ADAMTSL1: variants seen among roughly 807,000 people sequenced by gnomAD.
ADAMTSL1 encodes ADAMTS like 1, also known as ADAMTS-like protein 1.
Under a neutral mutation model 201.8 loss-of-function variants are expected in ADAMTSL1, and 126 were observed. The ratio of observed to expected loss-of-function variants is 0.62; its 90% CI spans 0.54 to 0.72. The LOEUF (loss-of-function observed/expected upper bound fraction) is 0.72. Ranked by LOEUF, ADAMTSL1 falls within the 30% of genes least tolerant of loss-of-function variation. The pLI, the probability that ADAMTSL1 is intolerant of heterozygous loss-of-function variation, is 0.00. For synonymous variants in ADAMTSL1, 1,121 were observed against 903.4 expected (o/e 1.24, Z -4.32); for missense variants, 2,679 against 2,277.8 (o/e 1.18, Z -3.59).
rs7033270 is a variant in ADAMTSL1 at position 18,358,282 on chromosome 9, T to G, written c.208-146547T>G. Among the ~76,000 whole-genome samples, 607 of 152,338 alleles carry G rather than the reference T, an allele frequency of 4.0e-3. 4 individuals carry two copies. The highest frequency in any genetic ancestry group is 0.013 in the African/African-American group (554 of 41,584). On this transcript the variant is annotated intron_variant, in intron 2 of 29. Coordinates refer to the ADAMTSL1 transcript ENST00000680146. Reference sequence around the variant, plus strand: ...ATATTGAACTATATGGAGGAAATGATAGTTGGAGTCAATTATTTTTCTGTT... The same window carrying G: ...ATATTGAACTATATGGAGGAAATGAGAGTTGGAGTCAATTATTTTTCTGTT...
intron 2 of ADAMTSL1, among the ~76,000 whole-genome samples, chr9:18,299,777 G>C (rs1833628199): frequency 6.6e-6 from 1 of 152,138 alleles, no homozygotes; most frequent in African/African-American, 2.4e-5. Flanking sequence ...CAATAAGAGT[G>C]GAAGACTAAT....
chr9:18,586,122 C>G (rs7468653), intron 4 of ADAMTSL1, among the ~76,000 whole-genome samples: 42,917 of 151,908 alleles, frequency 0.28, 6,232 homozygotes, highest in Middle Eastern at 0.33. Flanking sequence ...TAAAAAGCAT[C>G]CAAATAGGAA....
At chr9:18,623,334 A>G (rs1826152563) in intron 5 of ADAMTSL1, among the ~76,000 whole-genome samples, 1 of 152,192 alleles carries the variant, frequency 6.6e-6, no homozygotes, top group African/African-American at 2.4e-5. Flanking sequence ...CCTCATGAGC[A>G]AAGTACTATT....
chr9:18,569,071 C>T (rs1298709640), intron 3 of ADAMTSL1, among the ~76,000 whole-genome samples: 1 of 152,120 alleles, frequency 6.6e-6, no homozygotes, highest in African/African-American at 2.4e-5. Context: ...TTAGCTGCTG[C>T]GGTAGAATCT....
intron 2 of ADAMTSL1, among the ~76,000 whole-genome samples, chr9:18,260,883 T>C (rs1054578049): frequency 6.6e-6 from 1 of 152,206 alleles, no homozygotes; most frequent in Non-Finnish European, 1.5e-5. Context: ...GGTTTTACTT[T>C]ACTGTTAAAA....
At chr9:18,410,845 TC>T (rs59890517) in intron 2 of ADAMTSL1, among the ~76,000 whole-genome samples, 73,083 of 144,102 alleles carry the variant, frequency 0.51, 18,945 homozygotes, top group South Asian at 0.61. Flanking sequence ...GTCTTCTTCT[TC>T]TTTTTTTTTT....
chr9:18,582,407 C>T (rs1440257388), intron 4 of ADAMTSL1, among the ~76,000 whole-genome samples: 1 of 152,228 alleles, frequency 6.6e-6, no homozygotes, highest in East Asian at 1.9e-4. Context: ...TGTGTTCTGA[C>T]CCAAATCTCA....
intron 2 of ADAMTSL1, among the ~76,000 whole-genome samples, chr9:18,310,533 AG>A (rs1834106966): frequency 6.6e-6 from 1 of 152,154 alleles, no homozygotes; most frequent in Non-Finnish European, 1.5e-5. Context: ...CCCATCAAAA[AG>A]TGGGCAAAGG....
intron 2 of ADAMTSL1, among the ~76,000 whole-genome samples, chr9:18,279,544 A>G (rs1832705974): frequency 1.3e-5 from 2 of 151,228 alleles, no homozygotes; most frequent in African/African-American, 2.4e-5. Context: ...TTCTTTTCAG[A>G]CTGGATTTGT....
chr9:18,729,494 C>A (rs1588000283), intron 15 of ADAMTSL1, among the ~76,000 whole-genome samples: 1 of 152,210 alleles, frequency 6.6e-6, no homozygotes, highest in Admixed American at 6.5e-5. Context: ...GATGGCTCAA[C>A]ATTGAAATGC....
intron 2 of ADAMTSL1, among the ~76,000 whole-genome samples, chr9:18,210,510 T>A (rs996682881): frequency 1.4e-5 from 2 of 147,074 alleles, no homozygotes; most frequent in South Asian, 2.1e-4. Context: ...ATATATGATA[T>A]ATATTAATAA....
intron 1 of ADAMTSL1, among the ~76,000 whole-genome samples, chr9:18,031,840 G>T (rs184770782): frequency 6.6e-6 from 1 of 152,328 alleles, no homozygotes; most frequent in East Asian, 1.9e-4. Context: ...AGCTTGGCAG[G>T]GTCAGAGTGG....
At chr9:18,668,122 CT>C (rs2133071784) in intron 9 of ADAMTSL1, among the ~76,000 whole-genome samples, 1 of 152,128 alleles carries the variant, frequency 6.6e-6, no homozygotes, top group Admixed American at 6.5e-5. Flanking sequence ...TTATGGAGGT[CT>C]TTAGTTTTAC....
intron 26 of ADAMTSL1, among the ~76,000 whole-genome samples, chr9:18,901,153 A>G (rs1322895748): frequency 6.6e-6 from 1 of 152,044 alleles, no homozygotes; most frequent in Non-Finnish European, 1.5e-5. Context: ...TTATTTAAAA[A>G]AAAAAAAGAA....
intron 1 of ADAMTSL1, among the ~76,000 whole-genome samples, chr9:18,157,638 C>T (rs1298613930): frequency 6.6e-6 from 1 of 151,974 alleles, no homozygotes; most frequent in Non-Finnish European, 1.5e-5. Context: ...GCTCTAACCT[C>T]TTAGCAATTA....
chr9:18,603,463 G>T (rs1824804300), intron 4 of ADAMTSL1, among the ~76,000 whole-genome samples: 1 of 152,104 alleles, frequency 6.6e-6, no homozygotes, highest in Non-Finnish European at 1.5e-5. Flanking sequence ...GTCCATATAT[G>T]TCTTGCTCAG....
chr9:18,314,782 CTTTTTTTTTT>C (rs776046209), intron 2 of ADAMTSL1, among the ~76,000 whole-genome samples: 775 of 49,864 alleles, frequency 0.016, 34 homozygotes, highest in African/African-American at 0.06. Flanking sequence ...CGGCAGCGTG[CTTTTTTTTTT>C]TTTTTTTTTT....
chr9:18,056,242 C>G (rs1262053960), intron 1 of ADAMTSL1, among the ~76,000 whole-genome samples: 1 of 151,330 alleles, frequency 6.6e-6, no homozygotes, highest in African/African-American at 2.4e-5. Flanking sequence ...AAAGACAAAG[C>G]AATTTTTCCC....
chr9:18,295,706 C>G (rs1329994571), intron 2 of ADAMTSL1, among the ~76,000 whole-genome samples: 1 of 152,122 alleles, frequency 6.6e-6, no homozygotes, highest in Non-Finnish European at 1.5e-5. Context: ...TCATCCTGCC[C>G]AGGAATATGC....
Sources: allele counts gnomAD v4.1 joint callset (sites outside exome capture counted in the v4.1 genomes callset), GRCh38; gene constraint gnomAD v4.1.1; transcripts MANE v1.5; gene names NCBI Gene and HGNC (gene_info 2026-07-23, HGNC 2026-07-21).